COLQ: variants seen among roughly 807,000 people sequenced by gnomAD.
COLQ encodes the protein acetylcholinesterase collagenic tail peptide.
COLQ carries 48 observed loss-of-function variants against 69.0 expected under a neutral mutation model. That is an observed-to-expected ratio of 0.70 (90% CI 0.55 to 0.88). The LOEUF is 0.88. COLQ is among the 40% of genes least tolerant of loss of function. COLQ has a pLI of 0.00. For synonymous variants in COLQ, 217 were observed against 211.2 expected (o/e 1.03, Z -0.24); for missense variants, 618 against 594.6 (o/e 1.04, Z -0.41).
At chr3:15,459,139 C>G (rs970970672) in intron 12 of COLQ, among the ~76,000 whole-genome samples, 1 of 152,120 alleles carries the variant, frequency 6.6e-6, no homozygotes, top group Non-Finnish European at 1.5e-5. Flanking sequence ...CCACCATACC[C>G]AGCCAATGTA....
At chr3:15,505,102 G>C (rs1335076504) in intron 1 of COLQ, among the ~76,000 whole-genome samples, 1 of 152,214 alleles carries the variant, frequency 6.6e-6, no homozygotes, top group African/African-American at 2.4e-5. Flanking sequence ...ATGTTCACAA[G>C]GATTAGGGTT....
chr3:15,465,558 G>A (rs139747491), intron 12 of COLQ, among the ~76,000 whole-genome samples: 2,871 of 142,408 alleles, frequency 0.02, 48 homozygotes, highest in Middle Eastern at 0.056. Flanking sequence ...GACCCACCGC[G>A]CCCAGCCAAC....
intron 12 of COLQ, among the ~76,000 whole-genome samples, chr3:15,462,013 A>ATTTG (rs1352846679): frequency 3.6e-4 from 41 of 114,234 alleles, no homozygotes; most frequent in Non-Finnish European, 3.8e-4. Context: ...TTATTTATTT[A>ATTTG]TTTATTTATT....
Position 15,479,107 on chromosome 3 carries a change from T to C in COLQ, c.367-104A>G, listed in dbSNP as rs539155961. The C allele has an allele frequency of 5.6e-6, 8 of 1,437,572 alleles. No homozygotes were observed. In the African/African-American group the frequency reaches 9.8e-5, roughly 18 times the overall value. 89.1% of individuals were successfully genotyped at this position (1,437,572 alleles called of 1,614,324 possible). A position where few individuals can be genotyped will look rare whatever the true frequency, so the allele number is the denominator to read the frequency against. On this transcript the variant is annotated intron_variant, in intron 4 of 16. Coordinates refer to ENST00000383788, the MANE Select transcript of COLQ (RefSeq NM_005677.4). ...GACTGGGCATGGCCATGTGGCTCAG[T>C]TGCTTGGCTGCTGCTCACGGCCCCT...
intron 1 of COLQ, among the ~76,000 whole-genome samples, chr3:15,493,832 C>T (rs1043495914): frequency 6.6e-6 from 1 of 152,224 alleles, no homozygotes; most frequent in African/African-American, 2.4e-5. Context: ...GCCTGTAATC[C>T]CAACACTTTG....
intron 1 of COLQ, among the ~76,000 whole-genome samples, chr3:15,501,442 G>T (rs894925343): frequency 1.3e-5 from 2 of 152,172 alleles, no homozygotes; most frequent in South Asian, 4.1e-4. Context: ...CCTTCCCAGG[G>T]ATCCAGAGGC....
chr3:15,484,302 GGTGTT>G, intron 3 of COLQ, among the ~76,000 whole-genome samples: 1 of 152,174 alleles, frequency 6.6e-6, no homozygotes, highest in East Asian at 1.9e-4. Flanking sequence ...GTTTCTTCAT[GGTGTT>G]GATGGTCTTT....
intron 3 of COLQ, among the ~76,000 whole-genome samples, chr3:15,484,203 C>G (rs897900336): frequency 2.2e-4 from 33 of 152,238 alleles, no homozygotes; most frequent in East Asian, 2.1e-3. Flanking sequence ...GAGCATTTAC[C>G]CATTTACATT....
intron 7 of COLQ, 65 bp downstream of exon 7, chr3:15,475,360 G>A: frequency 2.0e-6 from 3 of 1,464,764 alleles, no homozygotes; most frequent in Non-Finnish European, 2.8e-6. Flanking sequence ...CCCTATGTTT[G>A]TAGACAGCAG....
chr3:15,496,190 T>A (rs1414525282), intron 1 of COLQ: 1 of 152,846 alleles, frequency 6.5e-6, no homozygotes, highest in Non-Finnish European at 1.5e-5. Flanking sequence ...GGCTGAGGCT[T>A]CTGCATTGTT....
chr3:15,503,281 T>C (rs543312347), intron 1 of COLQ, among the ~76,000 whole-genome samples: 1 of 152,360 alleles, frequency 6.6e-6, no homozygotes, highest in Non-Finnish European at 1.5e-5. Flanking sequence ...CTCCAAAATG[T>C]GTGCTCCCTC....
intron 1 of COLQ, 106 bp from the exon 2 acceptor site, chr3:15,489,743 C>T (rs568286961): frequency 2.1e-6 from 2 of 935,118 alleles, no homozygotes; most frequent in African/African-American, 1.6e-5. Context: ...ACTTCCACAT[C>T]TAATTTCTAG....
At chr3:15,509,982 C>T (rs1211968724) in intron 1 of COLQ, among the ~76,000 whole-genome samples, 1 of 151,900 alleles carries the variant, frequency 6.6e-6, no homozygotes, top group Non-Finnish European at 1.5e-5. Flanking sequence ...ACCATCCTGG[C>T]TAACATGGTG....
At chr3:15,515,140 T>C (rs1434350091) in intron 1 of COLQ, among the ~76,000 whole-genome samples, 3 of 152,214 alleles carry the variant, frequency 2.0e-5, no homozygotes, top group Non-Finnish European at 2.9e-5. Context: ...CTCAGAGAGA[T>C]GACAGAAACT....
intron 1 of COLQ, among the ~76,000 whole-genome samples, chr3:15,502,723 C>T (rs991465239): frequency 1.2e-4 from 18 of 152,122 alleles, no homozygotes; most frequent in African/African-American, 4.1e-4. Context: ...CTAACTTGCA[C>T]TGATGAATAC....
At chr3:15,496,827 CTT>C (rs1357374490) in intron 1 of COLQ, among the ~76,000 whole-genome samples, 3 of 152,304 alleles carry the variant, frequency 2.0e-5, no homozygotes, top group East Asian at 3.9e-4. Flanking sequence ...GAGACTTTCT[CTT>C]GTTTCATTTC....
intron 1 of COLQ, among the ~76,000 whole-genome samples, chr3:15,491,633 C>G (rs990085982): frequency 9.2e-5 from 14 of 152,228 alleles, no homozygotes; most frequent in African/African-American, 3.1e-4. Context: ...CTAAAGCGAC[C>G]TTTTACGGGA....
chr3:15,510,710 G>C (rs973398383), intron 1 of COLQ, among the ~76,000 whole-genome samples: 1 of 146,170 alleles, frequency 6.8e-6, no homozygotes, highest in Non-Finnish European at 1.5e-5. Flanking sequence ...AAGGAGGGAA[G>C]GGGACAGGAT....
chr3:15,510,942 C>T (rs190437705), intron 1 of COLQ, among the ~76,000 whole-genome samples: 1 of 152,292 alleles, frequency 6.6e-6, no homozygotes, highest in Non-Finnish European at 1.5e-5. Flanking sequence ...CGGAGACTCA[C>T]TCAAATCCAG....
Sources: gnomAD v4.1 joint callset for allele counts (sites outside exome capture counted in the v4.1 genomes callset) on GRCh38, gnomAD v4.1.1 for gene constraint, MANE v1.5 for transcripts, NCBI Gene and HGNC (gene_info 2026-07-23, HGNC 2026-07-21) for gene names.